Variants in SSBP2 observed in about 807,000 individuals in gnomAD.
SSBP2 encodes single stranded DNA binding protein 2.
A neutral mutation model predicts 61.8 loss-of-function variants in SSBP2; 17 were observed. That is an observed-to-expected ratio of 0.28 (90% CI 0.19 to 0.41). The LOEUF is 0.41. SSBP2 is among the 10% of genes least tolerant of loss of function. SSBP2 has a pLI of 1.00. For missense variants in SSBP2, 310 were observed against 458.7 expected (o/e 0.68, Z 2.96); for synonymous variants, 139 against 141.3 (o/e 0.98, Z 0.12).
chr5:81,597,568 C>T (rs368907146), intron 4 of SSBP2, among the ~76,000 whole-genome samples: 5 of 151,976 alleles, frequency 3.3e-5, no homozygotes, highest in Admixed American at 6.6e-5. Flanking sequence ...CGTATGTTTA[C>T]TGCGGCACTA....
At chr5:81,541,341 T>G (rs1309558491) in intron 4 of SSBP2, among the ~76,000 whole-genome samples, 2 of 152,198 alleles carry the variant, frequency 1.3e-5, no homozygotes, top group Non-Finnish European at 2.9e-5. Flanking sequence ...ATGGCGATAC[T>G]GCCTAAGGCA....
At chr5:81,529,154 T>C (rs1202079413) in intron 4 of SSBP2, among the ~76,000 whole-genome samples, 1 of 152,106 alleles carries the variant, frequency 6.6e-6, no homozygotes, top group Non-Finnish European at 1.5e-5. Context: ...TATTTAACAC[T>C]GTAAGGTAAT....
At chr5:81,742,800 T>A (rs1342078542) in intron 1 of SSBP2, among the ~76,000 whole-genome samples, 2 of 152,002 alleles carry the variant, frequency 1.3e-5, no homozygotes, top group African/African-American at 4.8e-5. Context: ...CGCTTGAACC[T>A]GGGGGGTGTG....
At chr5:81,433,750 C>T (rs1762492067) in intron 15 of SSBP2, among the ~76,000 whole-genome samples, 2 of 152,196 alleles carry the variant, frequency 1.3e-5, no homozygotes, top group Non-Finnish European at 2.9e-5. Flanking sequence ...TAAAAGCTTT[C>T]TAAATCAAAT....
intron 10 of SSBP2, among the ~76,000 whole-genome samples, chr5:81,453,814 A>G (rs1318836567): frequency 6.6e-6 from 1 of 152,180 alleles, no homozygotes. Flanking sequence ...TGATACACCT[A>G]AAAGTAAATA....
intron 2 of SSBP2, among the ~76,000 whole-genome samples, chr5:81,647,796 C>T (rs1479396698): frequency 6.6e-6 from 1 of 152,058 alleles, no homozygotes; most frequent in Non-Finnish European, 1.5e-5. Flanking sequence ...ATTCTGATTT[C>T]ATTTCCACCA....
At chr5:81,727,601 G>T (rs900717147) in intron 1 of SSBP2, among the ~76,000 whole-genome samples, 31 of 152,122 alleles carry the variant, frequency 2.0e-4, no homozygotes, top group African/African-American at 6.5e-4. Context: ...CAACTATTAG[G>T]CACTAATGCA....
chr5:81,602,066 G>C (rs370338128), intron 4 of SSBP2, among the ~76,000 whole-genome samples: 2 of 152,268 alleles, frequency 1.3e-5, no homozygotes, highest in East Asian at 1.9e-4. Flanking sequence ...GTCCTACTCA[G>C]TGAAAGTACC....
At chr5:81,448,231 A>G (rs1354030494) in intron 11 of SSBP2, among the ~76,000 whole-genome samples, 1 of 152,194 alleles carries the variant, frequency 6.6e-6, no homozygotes, top group African/African-American at 2.4e-5. Context: ...AGGTCATATA[A>G]AACTTATTAA....
At chr5:81,681,782 G>A (rs1414268199) in intron 1 of SSBP2, among the ~76,000 whole-genome samples, 1 of 152,000 alleles carries the variant, frequency 6.6e-6, no homozygotes, top group Admixed American at 6.6e-5. Flanking sequence ...AAAGCCAAAG[G>A]CTGGTTGTTT....
intron 1 of SSBP2, among the ~76,000 whole-genome samples, chr5:81,674,102 G>C (rs766847923): frequency 6.6e-6 from 1 of 152,146 alleles, no homozygotes; most frequent in East Asian, 1.9e-4. Context: ...CAGAACTAGT[G>C]AGTAGAAGAG....
At chr5:81,730,277 T>G (rs534969827) in intron 1 of SSBP2, among the ~76,000 whole-genome samples, 3 of 152,166 alleles carry the variant, frequency 2.0e-5, no homozygotes, top group Non-Finnish European at 4.4e-5. Flanking sequence ...CAGGCTGGAG[T>G]GCAGTGGCAC....
chr5:81,732,080 A>T (rs780637875), intron 1 of SSBP2, among the ~76,000 whole-genome samples: 1 of 152,064 alleles, frequency 6.6e-6, no homozygotes, highest in Non-Finnish European at 1.5e-5. Context: ...CTTAATAGTA[A>T]TCCTAGAAAT....
rs1331042407 is a variant in SSBP2 at position 81,705,208 on chromosome 5, TGA to T, written c.62+45771_62+45772del. On this transcript the variant is annotated intron_variant, in intron 1 of 16. Transcript: ENST00000320672. ...TATATGTGAACACTCTTGTGCATAG[TGA>T]TAGGGGAGAGGAAAACACTTGAAAA... 3.3e-5 allele frequency among the ~76,000 whole-genome samples: 5 copies of T among 152,132 alleles called. 1 individual carries two copies. Among genetic ancestry groups the T allele is most frequent in the African/African-American group, 9.7e-5 (4 of 41,428 alleles).
intron 2 of SSBP2, among the ~76,000 whole-genome samples, chr5:81,643,578 G>A (rs1253129458): frequency 1.4e-5 from 2 of 142,172 alleles, no homozygotes; most frequent in African/African-American, 5.1e-5. Context: ...TGAAATTGAA[G>A]TAAACATTTT....
rs188250256 is a variant in SSBP2, at chr5:81,547,507, C to T, written c.283-33790G>A. ...TTTGAGACAGGATCTCACGCTGTTG[C>T]CCAGGCTGGAGTGCAGTGGCACAAT... On this transcript the variant is annotated intron_variant, in intron 4 of 16. Coordinates refer to ENST00000320672, the MANE Select transcript of SSBP2 (RefSeq NM_012446.5). 1.4e-4 allele frequency among the ~76,000 whole-genome samples: 21 copies of T among 152,272 alleles called. No individual in the cohort carries two copies. The East Asian group carries it at 3.7e-3, about 27-fold the overall frequency.
intron 1 of SSBP2, among the ~76,000 whole-genome samples, chr5:81,749,853 CCACCGAAGTTAA>C (rs1387341126): frequency 1.3e-5 from 2 of 152,126 alleles, no homozygotes; most frequent in Non-Finnish European, 2.9e-5. Context: ...TCTTGGGCTC[CCACCGAAGTTAA>C]CACCTGTATC....
At chr5:81,543,946 A>G (rs1219516759) in intron 4 of SSBP2, among the ~76,000 whole-genome samples, 1 of 152,228 alleles carries the variant, frequency 6.6e-6, no homozygotes, top group African/African-American at 2.4e-5. Context: ...TAAACAATAT[A>G]TAATTATAAA....
chr5:81,680,854 G>C (rs989867361), intron 1 of SSBP2, among the ~76,000 whole-genome samples: 4 of 152,124 alleles, frequency 2.6e-5, no homozygotes, highest in African/African-American at 7.2e-5. Flanking sequence ...ATGAGAAATG[G>C]ACGGTTCCAG....
Sources: allele counts gnomAD v4.1 joint callset (sites outside exome capture counted in the v4.1 genomes callset), GRCh38; gene constraint gnomAD v4.1.1; transcripts MANE v1.5; gene names NCBI Gene and HGNC (gene_info 2026-07-23, HGNC 2026-07-21).